Variants in TMEM45A observed in about 807,000 individuals in gnomAD.
TMEM45A encodes DNA polymerase-transactivated protein 4.
A neutral mutation model predicts 32.0 loss-of-function variants in TMEM45A; 25 were observed. That is an observed-to-expected ratio of 0.78 (90% CI 0.57 to 1.09). The LOEUF is 1.09. Among genes scored for constraint, TMEM45A ranks in the 50% least tolerant of loss-of-function variants. The pLI is 0.00. For synonymous variants in TMEM45A, 122 were observed against 114.8 expected, an observed-to-expected ratio of 1.06 and a Z score of -0.40; for missense variants, 302 against 325.0, an observed-to-expected ratio of 0.93 and a Z score of 0.54.
Position 100,509,013 on chromosome 3 carries a change from C to A in TMEM45A, c.-4+16085C>A, listed in dbSNP as rs556353333. ...AGCTTCTGTATAGCAAGGGAATAAA[C>A]AGAATGAAGAGACAAACTTCGAATG... On this transcript the variant is annotated intron_variant, in intron 1 of 5. Transcript: ENST00000323523. Among the ~76,000 whole-genome samples, 178 of 152,222 alleles carry A rather than the reference C, an allele frequency of 1.2e-3. 1 individual carries two copies. The South Asian group carries it at 0.013, about 12-fold the overall frequency.
chr3:100,570,847 A>G (rs1706542539), intron 5 of TMEM45A: 1 of 152,072 alleles, frequency 6.6e-6, no homozygotes, highest in African/African-American at 2.4e-5. Flanking sequence ...AACACATAAT[A>G]TCCTAATCTT....
chr3:100,504,908 A>G (rs754307569), intron 1 of TMEM45A, among the ~76,000 whole-genome samples: 22 of 152,066 alleles, frequency 1.4e-4, no homozygotes, highest in Non-Finnish European at 2.9e-4. Flanking sequence ...TCTCTGGTGA[A>G]CTCAGCCTGA....
chr3:100,514,716 C>T (rs181898840), intron 1 of TMEM45A, among the ~76,000 whole-genome samples: 2 of 152,170 alleles, frequency 1.3e-5, no homozygotes, highest in East Asian at 3.9e-4. Flanking sequence ...AAAATGTTCG[C>T]AACCTACTCA....
chr3:100,534,125 C>T lies in TMEM45A; in HGVS notation c.-3-21084C>T, dbSNP rs555375570. ...TTCCTTTTATTCCTGTTCTCTTCTT[C>T]CCCTCTTCTGTTGGCGATTTAAAAA... On this transcript the variant is annotated intron_variant, in intron 1 of 5. Coordinates refer to ENST00000323523, the MANE Select transcript of TMEM45A (RefSeq NM_018004.3). Among the ~76,000 whole-genome samples, 157 of 152,300 alleles carry T rather than the reference C, an allele frequency of 1.0e-3. 1 individual carries two copies. The highest frequency in any genetic ancestry group is 3.5e-3 in the African/African-American group (145 of 41,566).
chr3:100,549,877 G>A (rs1465641253), intron 1 of TMEM45A, among the ~76,000 whole-genome samples: 1 of 151,792 alleles, frequency 6.6e-6, no homozygotes, highest in Non-Finnish European at 1.5e-5. Context: ...TTTCATCCAT[G>A]TCCCTACAAA....
chr3:100,521,381 G>A (rs1705434395), intron 1 of TMEM45A, among the ~76,000 whole-genome samples: 1 of 151,968 alleles, frequency 6.6e-6, no homozygotes, highest in African/African-American at 2.4e-5. Flanking sequence ...CAGCTCCCAA[G>A]TAGCTGGGAT....
rs762585977 is a variant in TMEM45A at position 100,576,931 on chromosome 3, T to G, written c.741T>G (p.Val247=). The change falls in exon 6 of 6, where the codon GTT becomes GTG. Residue 247 remains valine, a synonymous_variant. Coordinates refer to ENST00000323523, the MANE Select transcript of TMEM45A (RefSeq NM_018004.3). ...TGCTTTTCTTTCTCCTCAGGTTGGTTAAATCTAGACTTAAGAGGCTCTGCT... is the reference window on the plus strand; with the variant it reads ...TGCTTTTCTTTCTCCTCAGGTTGGTGAAATCTAGACTTAAGAGGCTCTGCT... ...GMNYAFITWL[V]KSRLKRLCSS... is the part of the protein sequence containing the mutation. The G allele has an allele frequency of 1.2e-6, 2 of 1,612,322 alleles. No homozygotes were observed. The highest frequency in any genetic ancestry group is 1.7e-5 in the Admixed American group (1 of 59,866).
At chr3:100,496,509 C>G (rs962430213) in intron 1 of TMEM45A, among the ~76,000 whole-genome samples, 1 of 152,214 alleles carries the variant, frequency 6.6e-6, no homozygotes, top group African/African-American at 2.4e-5. Context: ...AGGTATAATA[C>G]AGCTACAGCT....
At chr3:100,498,707 G>A (rs1707969053) in intron 1 of TMEM45A, among the ~76,000 whole-genome samples, 1 of 152,120 alleles carries the variant, frequency 6.6e-6, no homozygotes, top group Non-Finnish European at 1.5e-5. Context: ...ATCTATTTAA[G>A]TTTATGCTTT....
In TMEM45A at chr3:100,575,462, G is replaced by A. The variant is rs1464572627; in HGVS notation, c.735-1463G>A. Among the ~76,000 whole-genome samples the A allele has an allele frequency of 3.9e-5, 5 of 129,586 alleles. No homozygotes were observed. In the Admixed American group the frequency reaches 4.8e-4, roughly 12 times the overall value. 85.0% of individuals were successfully genotyped at this position (129,586 alleles called of 152,430 possible). A position where few individuals can be genotyped will look rare whatever the true frequency, so the allele number is the denominator to read the frequency against. ...ATCTCAGCTCACTGCAACCTCCACC[G>A]CCTGGACTCAGGAGATTCTCTTGCC... On this transcript the variant is annotated intron_variant, in intron 5 of 5. Coordinates refer to ENST00000323523, the MANE Select transcript of TMEM45A (RefSeq NM_018004.3).
intron 1 of TMEM45A, among the ~76,000 whole-genome samples, chr3:100,528,556 C>T (rs1705590477): frequency 6.6e-6 from 1 of 152,068 alleles, no homozygotes; most frequent in Non-Finnish European, 1.5e-5. Context: ...CACTTGGACC[C>T]CTTGTTTTTT....
intron 1 of TMEM45A, among the ~76,000 whole-genome samples, chr3:100,496,412 G>T (rs1035393365): frequency 1.3e-5 from 2 of 152,162 alleles, no homozygotes; most frequent in African/African-American, 2.4e-5. Flanking sequence ...TAAGAAATTT[G>T]CCCAAGATTA....
intron 1 of TMEM45A, among the ~76,000 whole-genome samples, chr3:100,543,704 T>A (rs1488442136): frequency 6.6e-6 from 1 of 152,172 alleles, no homozygotes; most frequent in African/African-American, 2.4e-5. Context: ...TCAAATTGAT[T>A]CCTAATTAAA....
At chr3:100,561,230 A>G (rs2148987466) in intron 4 of TMEM45A, among the ~76,000 whole-genome samples, 1 of 152,354 alleles carries the variant, frequency 6.6e-6, no homozygotes. Context: ...AGTGTGGCAT[A>G]TGAATGTTTA....
intron 4 of TMEM45A, among the ~76,000 whole-genome samples, chr3:100,567,263 G>A (rs1012710707): frequency 6.6e-6 from 1 of 151,688 alleles, no homozygotes; most frequent in Admixed American, 6.6e-5. Flanking sequence ...GTTGAAGACT[G>A]TTCTTTCCCC....
At chr3:100,502,945 GTTCTCCTTCTCCTTCTTCTCCTCC>G (rs1708025471) in intron 1 of TMEM45A, among the ~76,000 whole-genome samples, 1 of 151,950 alleles carries the variant, frequency 6.6e-6, no homozygotes, top group Non-Finnish European at 1.5e-5. Context: ...AGAATGGGGA[GTTCTCCTTCTCCTTCTTCTCCTCC>G]TTCTCCTTCT....
At chr3:100,534,208 T>C (rs897439626) in intron 1 of TMEM45A, among the ~76,000 whole-genome samples, 4 of 152,124 alleles carry the variant, frequency 2.6e-5, no homozygotes, top group African/African-American at 7.2e-5. Context: ...CCTAAGAGGG[T>C]TGTGATAAGC....
intron 1 of TMEM45A, among the ~76,000 whole-genome samples, 162 bp from the exon 2 acceptor site, chr3:100,555,047 G>T (rs1452660370): frequency 6.6e-6 from 1 of 152,130 alleles, no homozygotes; most frequent in Non-Finnish European, 1.5e-5. Flanking sequence ...ATATTGTACT[G>T]GTATTTACTA....
chr3:100,528,882 A>T (rs1452775551), intron 1 of TMEM45A, among the ~76,000 whole-genome samples: 3 of 152,234 alleles, frequency 2.0e-5, no homozygotes, highest in African/African-American at 7.2e-5. Context: ...TTTAATGAAC[A>T]TTCACATTAA....
Sources: allele counts gnomAD v4.1 joint callset (sites outside exome capture counted in the v4.1 genomes callset), GRCh38; gene constraint gnomAD v4.1.1; transcripts MANE v1.5; gene names NCBI Gene and HGNC (gene_info 2026-07-23, HGNC 2026-07-21).